The following GNL3L variants were observed in gnomAD, a reference collection of about 807,000 sequenced individuals.
The protein encoded by GNL3L is guanine nucleotide-binding protein-like 3-like protein.
GNL3L carries 4 observed loss-of-function variants against 42.9 expected under a neutral mutation model. The observed-to-expected ratio is 0.09, with a 90% CI of 0.05 to 0.21. The LOEUF is 0.21. GNL3L is among the 10% of genes least tolerant of loss of function. GNL3L has a pLI of 1.00. For missense variants in GNL3L, 412 were observed against 481.7 expected (o/e 0.86, Z 1.36); for synonymous variants, 159 against 176.3 (o/e 0.90, Z 0.78).
chrX:54,561,894 C>T lies in GNL3L; in HGVS notation c.*1292C>T, dbSNP rs1182202087. ...CAGTGAGCCCAAGCAGTGCCAGAGG[C>T]CCTCAGAAAGGGATTAGGGTAGATG... On this transcript the variant is annotated 3_prime_UTR_variant, in exon 16 of 16. Transcript: ENST00000360845. Among the ~76,000 whole-genome samples, 2 of 111,891 alleles carry T rather than the reference C, an allele frequency of 1.8e-5. No homozygotes were observed. Among genetic ancestry groups the T allele is most frequent in the African/African-American group, 6.5e-5 (2 of 30,782 alleles).
At chrX:54,640,875 A>G in the GNL3L span, among the ~76,000 whole-genome samples, 2 of 111,935 alleles carry the variant, frequency 1.8e-5, no homozygotes, top group South Asian at 3.7e-4. Flanking sequence ...CCTTTGGGGC[A>G]AGGCAAACAC....
chrX:54,546,709 C>T (rs940291784), intron 8 of GNL3L, among the ~76,000 whole-genome samples: 30 of 111,784 alleles, frequency 2.7e-4, no homozygotes, highest in African/African-American at 9.1e-4. Flanking sequence ...TGGGATGGCA[C>T]GATCTCGGCT....
chrX:54,579,679 A>G (rs894640325), intron 16 of GNL3L, among the ~76,000 whole-genome samples: 5 of 112,443 alleles, frequency 4.4e-5, no homozygotes, highest in Non-Finnish European at 9.4e-5. Flanking sequence ...GATTATAGGC[A>G]TCAGCCTCTA....
At chrX:54,554,973 T>C (rs1288530018) in intron 14 of GNL3L, among the ~76,000 whole-genome samples, 1 of 111,581 alleles carries the variant, frequency 9.0e-6, no homozygotes, top group African/African-American at 3.3e-5. Flanking sequence ...CTCTTTCTTC[T>C]CCCTAACTAG....
Position 54,532,557 on chromosome X carries a change from G to A in GNL3L, c.-10G>A, listed in dbSNP as rs769706626. On this transcript the variant is annotated 5_prime_UTR_variant, in exon 2 of 16. Transcript: ENST00000360845. ...CAGATTTGAACCTATCTGCTTTCAA[G>A]CTGGTCATCATGATGAAACTTAGAC... 3 of 1,188,259 alleles carry A rather than the reference G, an allele frequency of 2.5e-6. No individual in the cohort carries two copies. Among genetic ancestry groups the A allele is most frequent in the African/African-American group, 3.5e-5 (2 of 56,811 alleles).
chrX:54,615,809 A>C, intron 16 of GNL3L, among the ~76,000 whole-genome samples: 1 of 108,426 alleles, frequency 9.2e-6, no homozygotes, highest in African/African-American at 3.4e-5. Flanking sequence ...GGTTCAAGCG[A>C]TTCTCCTGCC....
intron 5 of GNL3L, among the ~76,000 whole-genome samples, chrX:54,541,695 G>C (rs971666303): frequency 1.8e-5 from 2 of 110,764 alleles, no homozygotes; most frequent in African/African-American, 6.6e-5. Context: ...GGATGGGGTT[G>C]GGGGAGAGGG....
chrX:54,601,771 C>T (rs781190634), intron 16 of GNL3L, among the ~76,000 whole-genome samples: 3 of 111,570 alleles, frequency 2.7e-5, no homozygotes, highest in South Asian at 7.5e-4. Flanking sequence ...GCCCTTTCCT[C>T]ATTTCTAAAT....
downstream of GNL3L, among the ~76,000 whole-genome samples, chrX:54,571,342 G>A (rs960532271): frequency 9.3e-6 from 1 of 107,545 alleles, no homozygotes; most frequent in African/African-American, 3.4e-5. Context: ...TACAGGCACC[G>A]GCCACCACGC....
the GNL3L span, among the ~76,000 whole-genome samples, chrX:54,642,965 A>G: frequency 1.8e-5 from 2 of 111,900 alleles, no homozygotes; most frequent in East Asian, 5.6e-4. Context: ...CCTAATACCA[A>G]TCTCCAGAGA....
At position 54,607,064 on chromosome X, in the gene GNL3L, CTTTCTTTCTCTT is replaced by C. The variant is rs1369673707; in HGVS notation, c.*46-13779_*46-13768del. Among the ~76,000 whole-genome samples the C allele has an allele frequency of 4.5e-4, 19 of 42,110 alleles. 1 individual carries two copies. Among genetic ancestry groups the C allele is most frequent in the African/African-American group, 2.4e-3 (19 of 7,905 alleles). The allele number at this position is 42,110 out of a possible 115,157, so 36.6% of individuals were successfully genotyped here. On this transcript the variant is annotated intron_variant, in intron 16 of 16. Transcript: ENST00000674498. Reference sequence around the variant, plus strand: ...TCTTTCTTTCTTTCTTTCTTTCTTTCTTTCTTTCTCTTTCTTTCTTCTTTCTTTCTTTCTTTC... The same window carrying C: ...TCTTTCTTTCTTTCTTTCTTTCTTTCTCTTTCTTCTTTCTTTCTTTCTTTC...
Position 54,566,461 on chromosome X carries a change from AAAC to A in GNL3L, c.*5862_*5864del, listed in dbSNP as rs750048045. Among the ~76,000 whole-genome samples, 14 of 111,838 alleles carry A rather than the reference AAAC, an allele frequency of 1.3e-4. No individual in the cohort carries two copies. The highest frequency in any genetic ancestry group is 2.3e-4 in the Non-Finnish European group (12 of 53,182). Reference sequence around the variant, plus strand: ...ATGCATAACCAAAACTGTACTTATTAAACAATAACCTCCCAACCCCTTCTGCCC... The same window carrying A: ...ATGCATAACCAAAACTGTACTTATTAAATAACCTCCCAACCCCTTCTGCCC... On this transcript the variant is annotated 3_prime_UTR_variant, in exon 16 of 16. Coordinates refer to ENST00000360845, the MANE Select transcript of GNL3L (RefSeq NM_001184819.2).
chrX:54,553,238 G>A (rs1924996211), intron 13 of GNL3L, among the ~76,000 whole-genome samples: 4 of 112,038 alleles, frequency 3.6e-5, no homozygotes, highest in African/African-American at 1.3e-4. Flanking sequence ...GAGAATGTTT[G>A]CCCTCCTCAG....
intron 16 of GNL3L, among the ~76,000 whole-genome samples, chrX:54,579,986 G>GTTTTTTTTTTTTTTTTTTTTTTTTTTTT (rs869217575): frequency 2.1e-5 from 1 of 47,706 alleles, no homozygotes. Flanking sequence ...CCTAAAGTTT[G>GTTTTTTTTTTTTTTTTTTTTTTTTTTTT]TTTTTTTTTT....
At chrX:54,568,048 A>C (rs1925485265), downstream of GNL3L, among the ~76,000 whole-genome samples, 1 of 104,648 alleles carries the variant, frequency 9.6e-6, no homozygotes, top group Non-Finnish European at 1.9e-5. Flanking sequence ...GCCTCACTGC[A>C]ACCTCTGCCT....
At chrX:54,536,422 C>G (rs1460322290) in intron 2 of GNL3L, among the ~76,000 whole-genome samples, 1 of 111,068 alleles carries the variant, frequency 9.0e-6, no homozygotes, top group Admixed American at 9.7e-5. Context: ...CTGCCCACCA[C>G]TGTTTGTTTC....
At chrX:54,581,992 A>G (rs1194307716) in intron 16 of GNL3L, among the ~76,000 whole-genome samples, 1 of 112,092 alleles carries the variant, frequency 8.9e-6, no homozygotes, top group African/African-American at 3.2e-5. Context: ...GAAACTGCCA[A>G]ACTGTTTTCC....
At chrX:54,551,454 G>C (rs757064595) in intron 10 of GNL3L, 114 bp from the exon 11 acceptor site, 1 of 573,438 alleles carries the variant, frequency 1.7e-6, no homozygotes. Context: ...CTCCACCTTC[G>C]TCTCTAATGC....
At chrX:54,641,258 A>G in the GNL3L span, among the ~76,000 whole-genome samples, 1 of 110,484 alleles carries the variant, frequency 9.1e-6, no homozygotes, top group East Asian at 2.9e-4. Flanking sequence ...TCATTTGTGT[A>G]TCCTTCCTCC....
Sources: gnomAD v4.1 joint callset for allele counts (sites outside exome capture counted in the v4.1 genomes callset) on GRCh38, gnomAD v4.1.1 for gene constraint, MANE v1.5 for transcripts, NCBI Gene and HGNC (gene_info 2026-07-23, HGNC 2026-07-21) for gene names.